EFR3B: variants seen among roughly 807,000 people sequenced by gnomAD.
EFR3B encodes the protein EFR3 homolog B.
Under a neutral mutation model 104.7 loss-of-function variants are expected in EFR3B, and 64 were observed. The observed-to-expected ratio is 0.61, with a 90% CI of 0.50 to 0.75. The LOEUF is 0.75. Ranked by LOEUF, EFR3B falls within the 30% of genes least tolerant of loss-of-function variation. The pLI, the probability that EFR3B is intolerant of heterozygous loss-of-function variation, is 0.00. For missense variants in EFR3B, 750 were observed against 1,078.5 expected, an observed-to-expected ratio of 0.70 and a Z score of 4.27; for synonymous variants, 385 against 417.9, an observed-to-expected ratio of 0.92 and a Z score of 0.96.
rs1039069368 is a variant in EFR3B at position 25,136,070 on chromosome 2, C to A, written c.1484+431C>A. On this transcript the variant is annotated intron_variant, in intron 13 of 22. Transcript: ENST00000403714. The surrounding 1 kb of genome is among the most constrained non-coding windows in gnomAD (Gnocchi z 4.0). ...GGTGGCTCGTGCCTGTAATCTCACACTTTGAGAGGCCAAGGTGGGATGATC... is the reference window on the plus strand; with the variant it reads ...GGTGGCTCGTGCCTGTAATCTCACAATTTGAGAGGCCAAGGTGGGATGATC... 6.6e-6 allele frequency among the ~76,000 whole-genome samples: 1 copy of A among 152,076 alleles called. No homozygotes were observed. The highest frequency in any genetic ancestry group is 1.5e-5 in the Non-Finnish European group (1 of 68,018).
rs1671151616 is a variant in EFR3B, at chr2:25,155,844, G to T, written c.*1504G>T. ...GGTGAGTAGATTTCTTGATCCAAAG[G>T]AATCCGTTTTTAATTTTTTTTTTTT... On this transcript the variant is annotated 3_prime_UTR_variant, in exon 23 of 23. Coordinates refer to ENST00000403714, the MANE Select transcript of EFR3B (RefSeq NM_014971.2). 1 of 152,030 alleles carries T rather than the reference G, an allele frequency of 6.6e-6. No individual in the cohort carries two copies. The highest frequency in any genetic ancestry group is 2.4e-5 in the African/African-American group (1 of 41,366). 9.4% of individuals were successfully genotyped at this position (152,030 alleles called of 1,614,324 possible). A position where few individuals can be genotyped will look rare whatever the true frequency, so the allele number is the denominator to read the frequency against.
chr2:25,075,520 C>T (rs982804926), intron 1 of EFR3B, among the ~76,000 whole-genome samples: 1 of 152,132 alleles, frequency 6.6e-6, no homozygotes. Flanking sequence ...CTCCTCTGAC[C>T]CCTTCCCATC....
chr2:25,135,862 T>A (rs1171836328), intron 13 of EFR3B, among the ~76,000 whole-genome samples: 1 of 152,078 alleles, frequency 6.6e-6, no homozygotes, highest in African/African-American at 2.4e-5. Context: ...AAAGGGCACT[T>A]GTGTCTGGGA....
chr2:25,152,072 T>G, intron 21 of EFR3B, 52 bp downstream of exon 21: 1 of 1,530,094 alleles, frequency 6.5e-7, no homozygotes, highest in Non-Finnish European at 8.9e-7. Context: ...CAAGACTGAA[T>G]TTGGGTCCAG....
intron 1 of EFR3B, among the ~76,000 whole-genome samples, chr2:25,074,172 G>A (rs1400181467): frequency 1.3e-5 from 2 of 151,860 alleles, no homozygotes; most frequent in Non-Finnish European, 2.9e-5. Context: ...CTAAGGAGTG[G>A]AGGGAGAGGC....
At chr2:25,117,728 T>C (rs1197572093) in intron 4 of EFR3B, among the ~76,000 whole-genome samples, 1 of 151,990 alleles carries the variant, frequency 6.6e-6, no homozygotes, top group African/African-American at 2.4e-5. Flanking sequence ...AATAAAATAA[T>C]ACTAAGGTGC....
At position 25,090,442 on chromosome 2, in the gene EFR3B, T is replaced by C. The variant is rs550226521; in HGVS notation, c.8-883T>C. On this transcript the variant is annotated intron_variant, in intron 1 of 22. Coordinates refer to ENST00000403714, the MANE Select transcript of EFR3B (RefSeq NM_014971.2). Reference sequence around the variant, plus strand: ...CCAGTTTGTTTTATCAGTGGTTTCCTAACACCATCACTTCACAGAACCAAA... The same window carrying C: ...CCAGTTTGTTTTATCAGTGGTTTCCCAACACCATCACTTCACAGAACCAAA... Among the ~76,000 whole-genome samples the C allele has an allele frequency of 2.0e-5, 3 of 152,376 alleles. No individual in the cohort carries two copies. The East Asian group carries it at 5.8e-4, about 29-fold the overall frequency.
At chr2:25,085,872 G>A (rs1403812009) in intron 1 of EFR3B, among the ~76,000 whole-genome samples, 3 of 151,044 alleles carry the variant, frequency 2.0e-5, no homozygotes, top group Non-Finnish European at 4.4e-5. Context: ...ATTTGTCCTT[G>A]GAGCCTTTTT....
chr2:25,119,148 G>A (rs139037587), intron 4 of EFR3B, among the ~76,000 whole-genome samples: 20 of 152,154 alleles, frequency 1.3e-4, no homozygotes, highest in South Asian at 4.2e-4. Flanking sequence ...CATAATATTC[G>A]AAGTAGACAT....
In EFR3B at chr2:25,145,070, G is replaced by A. The variant is rs1029024727; in HGVS notation, c.2142+19G>A. 2.1e-5 allele frequency: 32 copies of A among 1,550,904 alleles called. No individual in the cohort carries two copies. Among genetic ancestry groups the A allele is most frequent in the African/African-American group, 1.5e-4 (11 of 73,046 alleles). ...GGAGGAGGTGAGTGTCCGTGCCACC[G>A]TCCTGGGGCAGCCCCACCTCCTGTA... On this transcript the variant is annotated intron_variant, in intron 19 of 22. Coordinates refer to ENST00000403714, the MANE Select transcript of EFR3B (RefSeq NM_014971.2).
chr2:25,064,081 G>A (rs1472321525), intron 1 of EFR3B, among the ~76,000 whole-genome samples: 1 of 152,146 alleles, frequency 6.6e-6, no homozygotes, highest in African/African-American at 2.4e-5. Flanking sequence ...CAGAATTCTG[G>A]TGCTTGCTTC....
chr2:25,129,370 G>C (rs1389952500), intron 6 of EFR3B, among the ~76,000 whole-genome samples: 1 of 147,264 alleles, frequency 6.8e-6, no homozygotes, highest in African/African-American at 2.5e-5. Flanking sequence ...GTGGGGCGTG[G>C]GGTGGGGTGG....
chr2:25,072,373 C>T (rs963059379), intron 1 of EFR3B, among the ~76,000 whole-genome samples: 2 of 151,470 alleles, frequency 1.3e-5, no homozygotes, highest in African/African-American at 4.9e-5. Context: ...CTCTGCCTCC[C>T]AGGTTCAAGT....
At chr2:25,081,400 T>C (rs1211336801) in intron 1 of EFR3B, 7 of 1,158,118 alleles carry the variant, frequency 6.0e-6, no homozygotes, top group Non-Finnish European at 9.0e-6. Context: ...CCTGCACATG[T>C]TATTTCTTTC....
intron 1 of EFR3B, among the ~76,000 whole-genome samples, chr2:25,089,910 C>T (rs1190261453): frequency 6.6e-6 from 1 of 152,000 alleles, no homozygotes; most frequent in Non-Finnish European, 1.5e-5. Context: ...CTCTTGGTGC[C>T]CCATGGCTAC....
chr2:25,126,222 G>A (rs778067596), intron 5 of EFR3B, among the ~76,000 whole-genome samples: 35 of 152,084 alleles, frequency 2.3e-4, no homozygotes, highest in Non-Finnish European at 4.0e-4. Context: ...TCTTTCATCC[G>A]GGCTGGAGTG....
Position 25,046,506 on chromosome 2 carries a change from CTTTTTT to C in EFR3B, c.7+4198_7+4203del, listed in dbSNP as rs531667109. ...GCAGGCTCCCCCTGAAGTACAAAGT[CTTTTTT>C]TTTTTTTTTTGAGACGGAGTCTCGC... On this transcript the variant is annotated intron_variant, in intron 1 of 22. Coordinates refer to ENST00000403714, the MANE Select transcript of EFR3B (RefSeq NM_014971.2). 3.4e-5 allele frequency among the ~76,000 whole-genome samples: 4 copies of C among 119,106 alleles called. No homozygotes were observed. In the East Asian group the frequency reaches 1.2e-3, roughly 36 times the overall value. 78.1% of individuals were successfully genotyped at this position (119,106 alleles called of 152,430 possible).
At chr2:25,110,865 CTATT>C (rs1669707775) in intron 4 of EFR3B, among the ~76,000 whole-genome samples, 1 of 152,158 alleles carries the variant, frequency 6.6e-6, no homozygotes, top group Non-Finnish European at 1.5e-5. Context: ...TTAGTAAAGA[CTATT>C]TATTTGTTTT....
intron 19 of EFR3B, 144 bp from the exon 20 acceptor site, chr2:25,149,550 G>T (rs1039064215): frequency 1.4e-5 from 11 of 765,354 alleles, no homozygotes; most frequent in Admixed American, 2.1e-5. Context: ...AGACCCTGAG[G>T]GGGGTGGGGG....
Sources: gnomAD v4.1 joint callset for allele counts (sites outside exome capture counted in the v4.1 genomes callset) on GRCh38, gnomAD v4.1.1 for gene constraint, Gnocchi (gnomAD v3.1) non-coding constraint, MANE v1.5 for transcripts, NCBI Gene and HGNC (gene_info 2026-07-23, HGNC 2026-07-21) for gene names.